Variants in SEMA6D observed in about 807,000 individuals in gnomAD.
The protein encoded by SEMA6D is semaphorin-6D.
SEMA6D carries 35 observed loss-of-function variants against 106.6 expected under a neutral mutation model. The ratio of observed to expected loss-of-function variants is 0.33; its 90% CI spans 0.25 to 0.44. The LOEUF (loss-of-function observed/expected upper bound fraction) is 0.44. Ranked by LOEUF, SEMA6D falls within the 20% of genes least tolerant of loss-of-function variation. SEMA6D has a pLI of 1.00. For synonymous variants in SEMA6D, 499 were observed against 487.7 expected (o/e 1.02, Z -0.31); for missense variants, 1,185 against 1,345.9 (o/e 0.88, Z 1.87).
intron 2 of SEMA6D, among the ~76,000 whole-genome samples, chr15:47,449,434 T>C (rs1158556966): frequency 6.6e-6 from 1 of 152,112 alleles, no homozygotes; most frequent in Non-Finnish European, 1.5e-5. Flanking sequence ...AGGAACTTGC[T>C]GCATTTGGCT....
chr15:47,445,295 G>C (rs1019592732), intron 2 of SEMA6D, among the ~76,000 whole-genome samples: 2 of 152,012 alleles, frequency 1.3e-5, no homozygotes, highest in Admixed American at 6.6e-5. Flanking sequence ...GTTTGCTGGG[G>C]GACCTCTGCC....
At chr15:47,594,677 G>A (rs1049390985) in intron 3 of SEMA6D, among the ~76,000 whole-genome samples, 1 of 152,156 alleles carries the variant, frequency 6.6e-6, no homozygotes, top group Non-Finnish European at 1.5e-5. Flanking sequence ...GTCTAATGAG[G>A]GAGGTGGACC....
chr15:47,282,457 T>G (rs2035170174), intron 1 of SEMA6D, among the ~76,000 whole-genome samples: 1 of 152,228 alleles, frequency 6.6e-6, no homozygotes, highest in South Asian at 2.1e-4. Flanking sequence ...TTATTTATTC[T>G]ACTGTTGATG....
At chr15:47,312,678 A>C (rs1482208227) in intron 1 of SEMA6D, among the ~76,000 whole-genome samples, 1 of 152,188 alleles carries the variant, frequency 6.6e-6, no homozygotes, top group Non-Finnish European at 1.5e-5. Flanking sequence ...CTTCTCTAAT[A>C]TCTATATTAA....
At chr15:47,482,117 GA>G (rs1323069750) in intron 3 of SEMA6D, among the ~76,000 whole-genome samples, 2 of 152,248 alleles carry the variant, frequency 1.3e-5, no homozygotes, top group Middle Eastern at 3.4e-3. Context: ...TAAGGATGGG[GA>G]AGGAAGGTCA....
chr15:47,678,713 A>T (rs2078291913), intron 4 of SEMA6D, among the ~76,000 whole-genome samples: 1 of 151,514 alleles, frequency 6.6e-6, no homozygotes, highest in Non-Finnish European at 1.5e-5. Context: ...AATGGCTAAG[A>T]TTTATTTAGT....
intron 4 of SEMA6D, among the ~76,000 whole-genome samples, chr15:47,707,410 A>C (rs1239172234): frequency 6.6e-6 from 1 of 152,252 alleles, no homozygotes; most frequent in Admixed American, 6.5e-5. Context: ...TAAAAGTTTT[A>C]AAAGTATCTA....
chr15:47,479,670 C>A (rs145583969), intron 3 of SEMA6D, among the ~76,000 whole-genome samples: 1 of 152,022 alleles, frequency 6.6e-6, no homozygotes, highest in East Asian at 1.9e-4. Context: ...AATATCTTTT[C>A]TTGATAATGG....
rs141453030 is a variant in SEMA6D, at chr15:47,335,810, G to A, written c.-238-76583G>A. Among the ~76,000 whole-genome samples, 250 of 152,234 alleles carry A rather than the reference G, an allele frequency of 1.6e-3. 1 individual carries two copies. Among genetic ancestry groups the A allele is most frequent in the African/African-American group, 5.6e-3 (232 of 41,544 alleles). On this transcript the variant is annotated intron_variant, in intron 1 of 19. Coordinates refer to the SEMA6D transcript ENST00000558014. ...CAGGGTAGAAATATTTAACTGGTTA[G>A]TAAGAAATGGCATGAATAAAATGGA...
chr15:47,305,976 CT>C lies in SEMA6D; in HGVS notation c.-238-106407del, dbSNP rs893200062. 9.4e-5 allele frequency among the ~76,000 whole-genome samples: 14 copies of C among 149,298 alleles called. No individual in the cohort carries two copies. The East Asian group carries it at 1.2e-3, about 13-fold the overall frequency. Reference sequence around the variant, plus strand: ...AATAAGAGGTTTATTGGTAACTCATCTTTTTTTTTTCTTTTTTTCTTTTTGA... The same window carrying C: ...AATAAGAGGTTTATTGGTAACTCATCTTTTTTTTTCTTTTTTTCTTTTTGA... On this transcript the variant is annotated intron_variant, in intron 1 of 19. Transcript: ENST00000558014.
chr15:47,724,244 T>A (rs538484125), intron 1 of SEMA6D, among the ~76,000 whole-genome samples: 12 of 152,388 alleles, frequency 7.9e-5, no homozygotes, highest in South Asian at 6.2e-4. Flanking sequence ...GTTCTTGCCA[T>A]TGCTGGCACT....
At chr15:47,454,727 A>G (rs2140968293) in intron 2 of SEMA6D, among the ~76,000 whole-genome samples, 1 of 151,958 alleles carries the variant, frequency 6.6e-6, no homozygotes, top group African/African-American at 2.4e-5. Context: ...TTTCACGTAC[A>G]TTTTTTTGAG....
At chr15:47,394,787 G>A (rs1200370618) in intron 1 of SEMA6D, among the ~76,000 whole-genome samples, 5 of 152,130 alleles carry the variant, frequency 3.3e-5, no homozygotes, top group Non-Finnish European at 7.4e-5. Context: ...AGCTTACCTT[G>A]GGAAGCAGAC....
chr15:47,730,737 T>C, intron 1 of SEMA6D: 1 of 1,602,682 alleles, frequency 6.2e-7, no homozygotes, highest in Non-Finnish European at 8.5e-7. Context: ...AGAGTATAGC[T>C]CTCTGCCGCT....
At chr15:47,676,002 G>T (rs1036092633) in intron 4 of SEMA6D, among the ~76,000 whole-genome samples, 2 of 152,120 alleles carry the variant, frequency 1.3e-5, no homozygotes, top group Non-Finnish European at 2.9e-5. Context: ...GGCAGTGGCT[G>T]TGTCTATTTG....
chr15:47,769,318 A>G (rs1031032875), intron 18 of SEMA6D, among the ~76,000 whole-genome samples: 88 of 151,058 alleles, frequency 5.8e-4, no homozygotes, highest in Middle Eastern at 6.8e-3. Context: ...TTACTCTAGG[A>G]AAAAAAAATC....
intron 3 of SEMA6D, among the ~76,000 whole-genome samples, chr15:47,565,636 G>T (rs2046209253): frequency 6.6e-6 from 1 of 152,212 alleles, no homozygotes; most frequent in African/African-American, 2.4e-5. Context: ...GTAGATAAGG[G>T]ATTGGGAGCC....
intron 3 of SEMA6D, among the ~76,000 whole-genome samples, chr15:47,574,370 C>G (rs2076119016): frequency 6.6e-6 from 1 of 152,236 alleles, no homozygotes; most frequent in African/African-American, 2.4e-5. Flanking sequence ...TCTGATACAT[C>G]TACCCCATCA....
At chr15:47,623,030 A>G (rs1005398171) in intron 4 of SEMA6D, among the ~76,000 whole-genome samples, 1 of 152,128 alleles carries the variant, frequency 6.6e-6, no homozygotes, top group Non-Finnish European at 1.5e-5. Context: ...TGTAGTGACA[A>G]CCCTCTTTCT....
Sources: gnomAD v4.1 joint callset for allele counts (sites outside exome capture counted in the v4.1 genomes callset) on GRCh38, gnomAD v4.1.1 for gene constraint, MANE v1.5 for transcripts, NCBI Gene and HGNC (gene_info 2026-07-23, HGNC 2026-07-21) for gene names.